VRK2: variants seen among roughly 807,000 people sequenced by gnomAD.
VRK2 encodes VRK serine/threonine kinase 2.
A neutral mutation model predicts 57.6 loss-of-function variants in VRK2; 60 were observed. The observed-to-expected ratio is 1.04, with a 90% confidence interval of 0.85 to 1.29. The LOEUF (loss-of-function observed/expected upper bound fraction) is 1.29. Ranked by LOEUF, VRK2 falls within the 50% of genes most tolerant of loss-of-function variation. The pLI is 0.00. For missense variants in VRK2, 705 were observed against 588.1 expected, an observed-to-expected ratio of 1.20 and a Z score of -2.06; for synonymous variants, 231 against 199.2, an observed-to-expected ratio of 1.16 and a Z score of -1.35.
At chr2:58,070,554 A>G (rs1319167985) in intron 2 of VRK2, among the ~76,000 whole-genome samples, 4 of 152,174 alleles carry the variant, frequency 2.6e-5, no homozygotes, top group South Asian at 2.1e-4. Context: ...TCAGAATGGC[A>G]TATAGTTAGA....
chr2:58,116,671 G>C (rs1331185366), intron 7 of VRK2, among the ~76,000 whole-genome samples: 1 of 152,218 alleles, frequency 6.6e-6, no homozygotes. Flanking sequence ...GAGGCAATCA[G>C]ACAGCATCAG....
At chr2:57,987,732 C>T (rs142360639) in intron 1 of VRK2, among the ~76,000 whole-genome samples, 39 of 151,992 alleles carry the variant, frequency 2.6e-4, no homozygotes, top group Admixed American at 7.2e-4. Context: ...TTCAAAATTG[C>T]TAAAAGCAAT....
At chr2:58,068,855 G>C (rs989288671) in intron 2 of VRK2, among the ~76,000 whole-genome samples, 10 of 145,778 alleles carry the variant, frequency 6.9e-5, no homozygotes, top group Non-Finnish European at 1.5e-4. Context: ...GTATCTTTTA[G>C]TTTCAAAAAC....
chr2:58,078,646 C>CT (rs1670457875), intron 2 of VRK2, among the ~76,000 whole-genome samples: 2 of 151,968 alleles, frequency 1.3e-5, no homozygotes, highest in Non-Finnish European at 2.9e-5. Flanking sequence ...TCTGTGCATC[C>CT]TTGCCAGCAT....
intron 1 of VRK2, among the ~76,000 whole-genome samples, chr2:57,967,629 G>A (rs945962030): frequency 1.9e-4 from 29 of 151,898 alleles, no homozygotes; most frequent in African/African-American, 5.8e-4. Flanking sequence ...ACTGACCTAC[G>A]TTCTAGTGTT....
chr2:58,120,422 C>T (rs1193486818), intron 7 of VRK2, among the ~76,000 whole-genome samples: 1 of 151,602 alleles, frequency 6.6e-6, no homozygotes, highest in Non-Finnish European at 1.5e-5. Flanking sequence ...AACTCCTGAC[C>T]TCAAGTGATC....
At chr2:58,031,866 G>A (rs1558550029) in intron 2 of VRK2, among the ~76,000 whole-genome samples, 1 of 152,020 alleles carries the variant, frequency 6.6e-6, no homozygotes. Context: ...GGTAGAAGAG[G>A]AATTGAAATT....
intron 2 of VRK2, among the ~76,000 whole-genome samples, chr2:58,068,930 A>C (rs1669005973): frequency 6.6e-6 from 1 of 151,928 alleles, no homozygotes; most frequent in African/African-American, 2.4e-5. Context: ...CTTTGTTTCA[A>C]AAGTGTTTGT....
At chr2:58,137,063 CAT>C (rs1381586760) in intron 10 of VRK2, among the ~76,000 whole-genome samples, 3 of 115,268 alleles carry the variant, frequency 2.6e-5, no homozygotes, top group Admixed American at 9.8e-5. Flanking sequence ...GTGTATATAT[CAT>C]ATATCATATA....
intron 2 of VRK2, among the ~76,000 whole-genome samples, chr2:58,061,477 A>C (rs1677334472): frequency 6.6e-6 from 1 of 152,010 alleles, no homozygotes; most frequent in Admixed American, 6.6e-5. Context: ...GCCTCAATTA[A>C]AGAAGATCAG....
intron 11 of VRK2, among the ~76,000 whole-genome samples, chr2:58,142,205 CTT>C (rs1225363019): frequency 1.3e-5 from 2 of 151,686 alleles, no homozygotes; most frequent in Non-Finnish European, 2.9e-5. Flanking sequence ...ACAAATGAAA[CTT>C]ATACAGAGGG....
chr2:57,967,334 T>A (rs2104012660), intron 1 of VRK2, among the ~76,000 whole-genome samples: 1 of 152,008 alleles, frequency 6.6e-6, no homozygotes, highest in South Asian at 2.1e-4. Flanking sequence ...GTAACAAACA[T>A]GCACATTCTG....
intron 1 of VRK2, among the ~76,000 whole-genome samples, chr2:57,930,751 G>A (rs889528450): frequency 1.3e-5 from 2 of 151,906 alleles, no homozygotes; most frequent in African/African-American, 4.8e-5. Flanking sequence ...TTCTCCCCCA[G>A]CCCACACCCA....
intron 2 of VRK2, 21 bp from the exon 3 acceptor site, chr2:58,084,068 G>T (rs1473060315): frequency 6.2e-7 from 1 of 1,603,282 alleles, no homozygotes; most frequent in East Asian, 2.2e-5. Flanking sequence ...TTTCTCCATT[G>T]TGTGTTTTTT....
At chr2:57,912,053 T>A (rs1572850761) in intron 1 of VRK2, among the ~76,000 whole-genome samples, 1 of 152,160 alleles carries the variant, frequency 6.6e-6, no homozygotes, top group Non-Finnish European at 1.5e-5. Flanking sequence ...GGATTTACAA[T>A]ACAAAATGAA....
At chr2:57,925,289 T>C (rs1670494921) in intron 1 of VRK2, among the ~76,000 whole-genome samples, 1 of 152,138 alleles carries the variant, frequency 6.6e-6, no homozygotes, top group African/African-American at 2.4e-5. Context: ...TTGATATTAG[T>C]TCTTCAAATG....
chr2:57,951,367 T>A lies in VRK2; in HGVS notation c.-439+43528T>A, dbSNP rs189199741. ...GCTTCATGCAGACGAGCAAAGAAAG[T>A]GGTTTCCTGAGATAGTATCTACTCC... On this transcript the variant is annotated intron_variant, in intron 1 of 15. Transcript: ENST00000417641. 2.0e-4 allele frequency among the ~76,000 whole-genome samples: 31 copies of A among 152,276 alleles called. No homozygotes were observed. The East Asian group carries it at 5.8e-3, about 28-fold the overall frequency.
chr2:58,104,812 C>T (rs1277502482), intron 7 of VRK2, among the ~76,000 whole-genome samples: 1 of 151,968 alleles, frequency 6.6e-6, no homozygotes, highest in Non-Finnish European at 1.5e-5. Context: ...ACAAATTATA[C>T]TGCAAGGCTA....
At chr2:58,001,415 G>T (rs984455203) in intron 1 of VRK2, among the ~76,000 whole-genome samples, 2 of 152,164 alleles carry the variant, frequency 1.3e-5, no homozygotes, top group Non-Finnish European at 2.9e-5. Context: ...AAAATGAAAT[G>T]ACTGTTTCTG....
Sources: allele counts gnomAD v4.1 joint callset (sites outside exome capture counted in the v4.1 genomes callset), GRCh38; gene constraint gnomAD v4.1.1; transcripts MANE v1.5; gene names NCBI Gene and HGNC (gene_info 2026-07-23, HGNC 2026-07-21).